COLQ: variants seen among roughly 807,000 people sequenced by gnomAD.
COLQ encodes acetylcholinesterase collagenic tail peptide.
In COLQ, 48 loss-of-function variants were observed where a neutral mutation model predicts 69.0. The observed-to-expected ratio is 0.70, with a 90% CI of 0.55 to 0.88. The LOEUF is 0.88. Among genes scored for constraint, COLQ ranks in the 40% least tolerant of loss-of-function variants. The pLI is 0.00. For missense variants in COLQ, 618 were observed against 594.6 expected (o/e 1.04, Z -0.41); for synonymous variants, 217 against 211.2 (o/e 1.03, Z -0.24).
chr3:15,451,600 G>T lies in COLQ; in HGVS notation c.*44C>A. ...CCAGTTTGATGACAGTGGAGAAGCT[G>T]CTGCCAGTTCTGTGGGGCGCAGCCC... is the stretch of plus-strand genomic sequence containing the variant. On this transcript the variant is annotated 3_prime_UTR_variant, in exon 17 of 17. Transcript: ENST00000383788. 6.3e-7 allele frequency: 1 copy of T among 1,577,658 alleles called. No homozygotes were observed. Among genetic ancestry groups the T allele is most frequent in the Non-Finnish European group, 8.7e-7 (1 of 1,146,638 alleles).
chr3:15,456,218 T>C (rs947483883), intron 14 of COLQ, among the ~76,000 whole-genome samples, 199 bp from the exon 15 acceptor site: 1 of 148,300 alleles, frequency 6.7e-6, no homozygotes, highest in African/African-American at 2.6e-5. Flanking sequence ...GACAGCAACC[T>C]GGCACGCAGG....
chr3:15,499,211 C>CT, intron 1 of COLQ, among the ~76,000 whole-genome samples: 1 of 152,164 alleles, frequency 6.6e-6, no homozygotes, highest in Admixed American at 6.5e-5. Context: ...GTAGGCAAGT[C>CT]TTTTTGGATG....
chr3:15,464,865 A>C (rs565332115), intron 12 of COLQ, among the ~76,000 whole-genome samples: 3 of 152,322 alleles, frequency 2.0e-5, no homozygotes, highest in African/African-American at 7.2e-5. Context: ...TTAGCTAATA[A>C]AATTGAATGA....
chr3:15,511,692 C>T (rs976496521), intron 1 of COLQ, among the ~76,000 whole-genome samples: 1 of 152,196 alleles, frequency 6.6e-6, no homozygotes, highest in African/African-American at 2.4e-5. Context: ...ATTGTTTCCT[C>T]ACCTGGAGCC....
Position 15,489,564 on chromosome 3 carries a change from TG to T in COLQ, c.179del (p.Pro60HisfsTer20). On this transcript the variant is annotated frameshift_variant, in exon 2 of 17. Transcript: ENST00000383788. LOFTEE classifies it high-confidence loss of function. ...ACCLLTPPPP[P>X]LFPPPFFRGG... ...CTCTGAAGAATGGTGGTGGGAACAGTGGTGGTGGAGGAGGCGTCAGCAGGCA... is the reference window on the plus strand; with the variant it reads ...CTCTGAAGAATGGTGGTGGGAACAGTGTGGTGGAGGAGGCGTCAGCAGGCA... 1 of 1,614,130 alleles carries T rather than the reference TG, an allele frequency of 6.2e-7. No homozygotes were observed. The highest frequency in any genetic ancestry group is 8.5e-7 in the Non-Finnish European group (1 of 1,180,010).
intron 1 of COLQ, among the ~76,000 whole-genome samples, chr3:15,492,666 C>CAA (rs72252382): frequency 3.8e-5 from 5 of 130,698 alleles, no homozygotes; most frequent in South Asian, 2.4e-4. Flanking sequence ...GACTCCGTCT[C>CAA]AAAAAAAAAA....
chr3:15,485,964 A>G (rs1334719671), intron 3 of COLQ, among the ~76,000 whole-genome samples: 3 of 152,168 alleles, frequency 2.0e-5, no homozygotes, highest in South Asian at 2.1e-4. Flanking sequence ...TCTCTTCCCA[A>G]TAATAATAAT....
At chr3:15,478,863 C>T in intron 5 of COLQ, 114 bp downstream of exon 5, 1 of 1,262,382 alleles carries the variant, frequency 7.9e-7, no homozygotes, top group South Asian at 1.2e-5. Context: ...TCACTGTCCA[C>T]CTGGGTATCA....
chr3:15,454,853 A>T (rs552301334), intron 15 of COLQ, among the ~76,000 whole-genome samples: 1 of 151,042 alleles, frequency 6.6e-6, no homozygotes, highest in African/African-American at 2.4e-5. Flanking sequence ...TTTTGTAGAG[A>T]TTGGGTCTTG....
intron 12 of COLQ, among the ~76,000 whole-genome samples, chr3:15,465,578 T>A (rs1006381419): frequency 6.8e-6 from 1 of 147,326 alleles, no homozygotes; most frequent in African/African-American, 2.5e-5. Context: ...CTTTTTATTT[T>A]TTTATTTTAT....
intron 1 of COLQ, among the ~76,000 whole-genome samples, chr3:15,520,286 C>T (rs1277413502): frequency 6.6e-6 from 1 of 152,246 alleles, no homozygotes; most frequent in Admixed American, 6.5e-5. Context: ...TTCCTGCCCA[C>T]CCTCCTGAAT....
At chr3:15,485,961 C>A (rs1275094039) in intron 3 of COLQ, among the ~76,000 whole-genome samples, 1 of 151,984 alleles carries the variant, frequency 6.6e-6, no homozygotes, top group Non-Finnish European at 1.5e-5. Flanking sequence ...GACTCTCTTC[C>A]CAATAATAAT....
chr3:15,463,055 G>A (rs2062145107), intron 12 of COLQ, among the ~76,000 whole-genome samples: 1 of 152,110 alleles, frequency 6.6e-6, no homozygotes, highest in South Asian at 2.1e-4. Context: ...CTGCTAAGAG[G>A]ACAGGATTGC....
intron 12 of COLQ, among the ~76,000 whole-genome samples, chr3:15,461,547 C>G (rs2062114325): frequency 6.6e-6 from 1 of 152,178 alleles, no homozygotes; most frequent in Non-Finnish European, 1.5e-5. Context: ...GGCAGGCTCC[C>G]GCTTCCATTG....
At position 15,451,432 on chromosome 3, in the gene COLQ, G is replaced by A. The variant is rs530125773; in HGVS notation, c.*212C>T. 16 of 685,244 alleles carry A rather than the reference G, an allele frequency of 2.3e-5. No homozygotes were observed. Among genetic ancestry groups the A allele is most frequent in the Non-Finnish European group, 4.0e-5 (15 of 371,680 alleles). The allele number at this position is 685,244 out of a possible 1,614,324, so 42.4% of individuals were successfully genotyped here. ...CAGGTCTCAGGTTGGGCATGTGGAA[G>A]GTTTTCCAGTACCTTGGATTAAGAC... On this transcript the variant is annotated 3_prime_UTR_variant, in exon 17 of 17. Transcript: ENST00000383788.
intron 1 of COLQ, among the ~76,000 whole-genome samples, chr3:15,520,390 C>T (rs146004016): frequency 2.1e-3 from 323 of 152,308 alleles, no homozygotes; most frequent in African/African-American, 7.4e-3. Context: ...GGCCCACAAA[C>T]GTTGGCTACA....
Position 15,474,671 on chromosome 3 carries a change from C to G in COLQ, c.555+254G>C, listed in dbSNP as rs143468629. On this transcript the variant is annotated intron_variant, in intron 8 of 16. Transcript: ENST00000383788. ...AACTGTGCTTATTCTCTACCTGGCA[C>G]GGCCTTCATTTGCTTATGTGCTCCA... Among the ~76,000 whole-genome samples, 19 of 152,352 alleles carry G rather than the reference C, an allele frequency of 1.2e-4. No homozygotes were observed. The East Asian group carries it at 3.7e-3, about 29-fold the overall frequency.
chr3:15,480,488 A>C (rs1229261753), intron 3 of COLQ, among the ~76,000 whole-genome samples: 1 of 152,158 alleles, frequency 6.6e-6, no homozygotes, highest in African/African-American at 2.4e-5. Flanking sequence ...AGCTTCATCC[A>C]TGTCCCTACA....
chr3:15,510,133 G>A (rs1351332740), intron 1 of COLQ, among the ~76,000 whole-genome samples: 15 of 151,984 alleles, frequency 9.9e-5, no homozygotes, highest in African/African-American at 3.6e-4. Context: ...CCGAGATCGC[G>A]CCACTGCAGT....
Sources: allele counts gnomAD v4.1 joint callset (sites outside exome capture counted in the v4.1 genomes callset), GRCh38; gene constraint gnomAD v4.1.1; transcripts MANE v1.5; gene names NCBI Gene and HGNC (gene_info 2026-07-23, HGNC 2026-07-21).